GRM1: variants seen among roughly 807,000 people sequenced by gnomAD.
GRM1 encodes the protein metabotropic glutamate receptor 1.
GRM1 carries 33 observed loss-of-function variants against 90.9 expected under a neutral mutation model. That is an observed-to-expected ratio of 0.36 (90% CI 0.28 to 0.49). The LOEUF (loss-of-function observed/expected upper bound fraction) is 0.49, where lower values mean the gene tolerates loss of function less well. GRM1 is among the 20% of genes least tolerant of loss of function. The pLI is 0.99. For missense variants in GRM1, 1,190 were observed against 1,534.3 expected, an observed-to-expected ratio of 0.78 and a Z score of 3.75; for synonymous variants, 700 against 613.2, an observed-to-expected ratio of 1.14 and a Z score of -2.09.
intron 1 of GRM1, among the ~76,000 whole-genome samples, chr6:146,043,643 A>G (rs1242476474): frequency 1.3e-5 from 2 of 151,584 alleles, no homozygotes; most frequent in East Asian, 1.9e-4. Context: ...GCTCAAAACT[A>G]AAATTAATGC....
At chr6:146,386,737 C>G (rs1776521382) in intron 5 of GRM1, among the ~76,000 whole-genome samples, 153 bp from the exon 6 acceptor site, 1 of 152,020 alleles carries the variant, frequency 6.6e-6, no homozygotes, top group African/African-American at 2.4e-5. Context: ...CAAATATATA[C>G]AAATTCACAT....
intron 3 of GRM1, among the ~76,000 whole-genome samples, chr6:146,312,849 A>T: frequency 6.6e-6 from 1 of 152,210 alleles, no homozygotes; most frequent in Admixed American, 6.5e-5. Context: ...TTGCTTGGTA[A>T]TTCCTACAGA....
Position 146,398,830 on chromosome 6 carries a change from C to A in GRM1, c.1791C>A (p.Ile597=). 1 of 1,613,702 alleles carries A rather than the reference C, an allele frequency of 6.2e-7. No individual in the cohort carries two copies. The highest frequency in any genetic ancestry group is 8.5e-7 in the Non-Finnish European group (1 of 1,179,644). Residue 597 remains isoleucine, a synonymous_variant, in exon 7 of 8, where the codon ATC becomes ATA. Coordinates refer to ENST00000282753, the MANE Select transcript of GRM1 (RefSeq NM_001278064.2). ...EWSNIESIIA[I]AFSCLGILVT... The stretch of plus-strand genomic sequence containing the variant: ...GCAACATCGAATCCATTATAGCCAT[C>A]GCCTTTTCATGCCTGGGAATCCTTG...
intron 5 of GRM1, among the ~76,000 whole-genome samples, chr6:146,365,994 C>T (rs945830401): frequency 1.3e-5 from 2 of 152,142 alleles, no homozygotes; most frequent in African/African-American, 2.4e-5. Flanking sequence ...TGACCTATTC[C>T]TCTTTCTTGC....
intron 3 of GRM1, among the ~76,000 whole-genome samples, chr6:146,321,455 G>T (rs777851514): frequency 2.0e-5 from 3 of 152,216 alleles, no homozygotes; most frequent in Non-Finnish European, 4.4e-5. Context: ...TTGATTTGGG[G>T]TGGAGAGTTC....
chr6:146,265,423 A>G (rs1176383856), intron 2 of GRM1, among the ~76,000 whole-genome samples: 1 of 152,126 alleles, frequency 6.6e-6, no homozygotes, highest in East Asian at 1.9e-4. Context: ...TAGATTCTGA[A>G]TATTATTTCT....
chr6:146,349,839 T>A (rs765522829), intron 3 of GRM1, among the ~76,000 whole-genome samples: 1 of 152,226 alleles, frequency 6.6e-6, no homozygotes, highest in Non-Finnish European at 1.5e-5. Flanking sequence ...TGTTTGTATA[T>A]ACATATGTAT....
At position 146,058,290 on chromosome 6, in the gene GRM1, A is replaced by T. The variant is rs571559447; in HGVS notation, c.700+28073A>T. On this transcript the variant is annotated intron_variant, in intron 1 of 7. Coordinates refer to ENST00000282753, the MANE Select transcript of GRM1 (RefSeq NM_001278064.2). ...TGTACCTCAGAGATGTTTTGGATTC[A>T]GTCCTAGACCACTGCAATAAAGCAA... 1.6e-4 allele frequency among the ~76,000 whole-genome samples: 25 copies of T among 152,278 alleles called. 1 individual carries two copies. The South Asian group carries it at 5.0e-3, about 30-fold the overall frequency.
At chr6:146,069,332 A>G (rs1775952680) in intron 1 of GRM1, among the ~76,000 whole-genome samples, 1 of 151,462 alleles carries the variant, frequency 6.6e-6, no homozygotes, top group African/African-American at 2.4e-5. Flanking sequence ...CAATGCTCAT[A>G]TTACATTACA....
At chr6:146,390,396 T>C (rs1314262861) in intron 6 of GRM1, among the ~76,000 whole-genome samples, 1 of 152,046 alleles carries the variant, frequency 6.6e-6, no homozygotes, top group Non-Finnish European at 1.5e-5. Context: ...CACATTTTAA[T>C]TCAGCACTTA....
At chr6:146,284,648 T>G (rs1051160615) in intron 2 of GRM1, among the ~76,000 whole-genome samples, 4 of 152,120 alleles carry the variant, frequency 2.6e-5, no homozygotes, top group Admixed American at 1.3e-4. Context: ...AGAGTTCCCA[T>G]GACATATGAT....
At chr6:146,424,203 C>G (rs1158234576) in intron 7 of GRM1, among the ~76,000 whole-genome samples, 1 of 152,242 alleles carries the variant, frequency 6.6e-6, no homozygotes, top group Non-Finnish European at 1.5e-5. Context: ...GTGCAAGAGG[C>G]TTGCCACTGC....
chr6:146,365,209 T>C (rs905736479), intron 5 of GRM1: 6 of 150,584 alleles, frequency 4.0e-5, no homozygotes, highest in South Asian at 4.2e-4. Flanking sequence ...ACATTGTCTT[T>C]AGTGTCTTGT....
At chr6:146,385,570 T>C (rs995218221) in intron 5 of GRM1, among the ~76,000 whole-genome samples, 6 of 151,832 alleles carry the variant, frequency 4.0e-5, no homozygotes, top group African/African-American at 1.4e-4. Context: ...AGAAAGGTCT[T>C]CAGGAAGAAG....
At chr6:146,188,055 A>T (rs999273837) in intron 2 of GRM1, among the ~76,000 whole-genome samples, 6 of 152,246 alleles carry the variant, frequency 3.9e-5, no homozygotes, top group Non-Finnish European at 8.8e-5. Flanking sequence ...GCACATAATT[A>T]TCACAGTCAT....
At chr6:146,212,586 T>C (rs186209670) in intron 2 of GRM1, among the ~76,000 whole-genome samples, 18 of 152,322 alleles carry the variant, frequency 1.2e-4, no homozygotes, top group Admixed American at 1.1e-3. Context: ...TTCTTTTTAG[T>C]CTTAATAGGG....
intron 2 of GRM1, among the ~76,000 whole-genome samples, chr6:146,282,937 G>A (rs1386099632): frequency 6.6e-6 from 1 of 152,018 alleles, no homozygotes; most frequent in East Asian, 1.9e-4. Flanking sequence ...TCTTGATTTG[G>A]GGCTCAGCCA....
chr6:146,192,740 A>G (rs908195872), intron 2 of GRM1, among the ~76,000 whole-genome samples: 5 of 152,218 alleles, frequency 3.3e-5, no homozygotes, highest in Admixed American at 2.6e-4. Flanking sequence ...ATGTAATACA[A>G]TAGAAAATAT....
At chr6:146,038,707 T>C (rs1790982768) in intron 1 of GRM1, among the ~76,000 whole-genome samples, 1 of 151,846 alleles carries the variant, frequency 6.6e-6, no homozygotes, top group Non-Finnish European at 1.5e-5. Flanking sequence ...AATCTTTTGA[T>C]TGGACAGCAT....
Sources: gnomAD v4.1 joint callset for allele counts (sites outside exome capture counted in the v4.1 genomes callset) on GRCh38, gnomAD v4.1.1 for gene constraint, MANE v1.5 for transcripts, NCBI Gene and HGNC (gene_info 2026-07-23, HGNC 2026-07-21) for gene names.